The following LAPTM4B variants were observed in gnomAD, a reference collection of about 807,000 sequenced individuals.
The protein encoded by LAPTM4B is lysosomal-associated transmembrane protein 4B.
LAPTM4B carries 26 observed loss-of-function variants against 28.5 expected under a neutral mutation model. The observed-to-expected ratio is 0.91, with a 90% confidence interval of 0.67 to 1.27. The LOEUF (loss-of-function observed/expected upper bound fraction) is 1.27, where lower values mean the gene tolerates loss of function less well. Ranked by LOEUF, LAPTM4B falls within the 50% of genes most tolerant of loss-of-function variation. LAPTM4B has a pLI of 0.00. For missense variants in LAPTM4B, 288 were observed against 285.8 expected (o/e 1.01, Z -0.06); for synonymous variants, 109 against 106.4 (o/e 1.02, Z -0.15).
chr8:97,848,217 G>A (rs988819422), intron 6 of LAPTM4B, among the ~76,000 whole-genome samples: 16 of 152,280 alleles, frequency 1.1e-4, no homozygotes, highest in African/African-American at 3.6e-4. Context: ...AGCCGAGATC[G>A]CGCCACTGCA....
rs150255619 is a variant in LAPTM4B, at chr8:97,816,162, G to A, written c.390G>A (p.Gln130=). 6.2e-7 allele frequency: 1 copy of A among 1,612,642 alleles called. No homozygotes were observed. Among genetic ancestry groups the A allele is most frequent in the African/African-American group, 1.3e-5 (1 of 74,848 alleles). ...TGCTTATTTATCCAAACTCCATTCA[G>A]GAATACATACGGCAACTGGTACGTG... ...ITVLIYPNSI[Q]EYIRQLPPNF... Residue 130 remains glutamine (Q), a synonymous_variant, in exon 4 of 7, where the codon CAG becomes CAA. Coordinates refer to ENST00000521545, the MANE Select transcript of LAPTM4B (RefSeq NM_018407.6).
rs575190453 is a variant in LAPTM4B, at chr8:97,830,303, G to A, written c.603+5150G>A. 1.6e-4 allele frequency among the ~76,000 whole-genome samples: 25 copies of A among 152,266 alleles called. No homozygotes were observed. The South Asian group carries it at 5.0e-3, about 30-fold the overall frequency. ...AAAGTGAGTAGAAAAGAACTTCATC[G>A]AGGTGGAAGAATTGGAGAGTGCCTT... On this transcript the variant is annotated intron_variant, in intron 6 of 6. Transcript: ENST00000521545.
intron 1 of LAPTM4B, among the ~76,000 whole-genome samples, chr8:97,799,411 T>G (rs572130367): frequency 6.0e-4 from 91 of 152,274 alleles, no homozygotes; most frequent in African/African-American, 1.9e-3. Flanking sequence ...AACAAAGAAC[T>G]AAAAGCAGAT....
At position 97,851,088 on chromosome 8, in the gene LAPTM4B, T is replaced by C. The variant is rs528971264; in HGVS notation, c.604-309T>C. Among the ~76,000 whole-genome samples, 11 of 152,244 alleles carry C rather than the reference T, an allele frequency of 7.2e-5. No homozygotes were observed. In the South Asian group the frequency reaches 2.3e-3, roughly 32 times the overall value. ...TGCCTGCCCTATTTGTGTGTGCACA[T>C]GGACACACTCACCTAGGGGTCTTTT... On this transcript the variant is annotated intron_variant, in intron 6 of 6. Coordinates refer to ENST00000521545, the MANE Select transcript of LAPTM4B (RefSeq NM_018407.6).
intron 6 of LAPTM4B, among the ~76,000 whole-genome samples, chr8:97,849,545 C>T (rs1817484821): frequency 6.6e-6 from 1 of 152,210 alleles, no homozygotes; most frequent in African/African-American, 2.4e-5. Flanking sequence ...TGGTTAATAC[C>T]TGACATATAA....
chr8:97,842,078 A>C (rs1817356185), intron 6 of LAPTM4B, among the ~76,000 whole-genome samples: 1 of 152,222 alleles, frequency 6.6e-6, no homozygotes, highest in African/African-American at 2.4e-5. Context: ...GGGGCCATAT[A>C]GTCTCTATCG....
intron 1 of LAPTM4B, among the ~76,000 whole-genome samples, chr8:97,787,669 A>G (rs1048992510): frequency 3.3e-5 from 5 of 152,162 alleles, no homozygotes; most frequent in African/African-American, 1.2e-4. Context: ...CAAGTCCTTT[A>G]ACTCCAGTCG....
intron 2 of LAPTM4B, among the ~76,000 whole-genome samples, chr8:97,814,007 C>T (rs1490902915): frequency 6.6e-6 from 1 of 152,060 alleles, no homozygotes; most frequent in Non-Finnish European, 1.5e-5. Context: ...ATATTTATTA[C>T]CCGTAGCAAA....
chr8:97,780,076 A>G (rs921174295), intron 1 of LAPTM4B, among the ~76,000 whole-genome samples: 9 of 150,670 alleles, frequency 6.0e-5, no homozygotes, highest in Non-Finnish European at 1.3e-4. Context: ...AAAGAAAAGT[A>G]AAATAAAGAA....
intron 1 of LAPTM4B, 36 bp downstream of exon 1, chr8:97,776,144 G>C (rs1208712453): frequency 6.7e-7 from 1 of 1,496,040 alleles, no homozygotes; most frequent in East Asian, 2.6e-5. Flanking sequence ...ACCCTGCGTT[G>C]CTTCCGCGCC....
intron 2 of LAPTM4B, 35 bp downstream of exon 2, chr8:97,805,499 G>A (rs747787616): frequency 1.7e-6 from 2 of 1,197,588 alleles, no homozygotes; most frequent in South Asian, 1.2e-5. Flanking sequence ...TTCAAGGGCA[G>A]GGAATCTGAC....
intron 5 of LAPTM4B, among the ~76,000 whole-genome samples, chr8:97,822,547 T>TA: frequency 6.7e-6 from 1 of 148,974 alleles, no homozygotes; most frequent in Non-Finnish European, 1.5e-5. Context: ...TTTATTTATT[T>TA]ATTTATTTAT....
intron 1 of LAPTM4B, among the ~76,000 whole-genome samples, chr8:97,802,561 T>A (rs1816700032): frequency 6.6e-6 from 1 of 152,188 alleles, no homozygotes; most frequent in Non-Finnish European, 1.5e-5. Context: ...ACCTGTTTTA[T>A]CGGCATGGTC....
chr8:97,800,647 C>T (rs917660744), intron 1 of LAPTM4B, among the ~76,000 whole-genome samples: 1 of 151,848 alleles, frequency 6.6e-6, no homozygotes, highest in African/African-American at 2.4e-5. Flanking sequence ...CAGGCATGCA[C>T]CACCATGCCC....
intron 1 of LAPTM4B, among the ~76,000 whole-genome samples, chr8:97,799,722 C>T (rs980178422): frequency 6.6e-6 from 1 of 152,182 alleles, no homozygotes; most frequent in African/African-American, 2.4e-5. Context: ...TTCCTCAAAA[C>T]CTTTATGGCA....
At chr8:97,810,252 A>C (rs1816807298) in intron 2 of LAPTM4B, among the ~76,000 whole-genome samples, 1 of 152,182 alleles carries the variant, frequency 6.6e-6, no homozygotes, top group African/African-American at 2.4e-5. Flanking sequence ...AAAATTGACT[A>C]TACTGGGAAA....
intron 1 of LAPTM4B, among the ~76,000 whole-genome samples, chr8:97,801,902 T>C (rs1816689629): frequency 6.6e-6 from 1 of 151,570 alleles, no homozygotes; most frequent in African/African-American, 2.4e-5. Flanking sequence ...TGACAGTTTA[T>C]CAAATAACAT....
At position 97,844,566 on chromosome 8, in the gene LAPTM4B, T is replaced by C. The variant is rs111271389; in HGVS notation, c.604-6831T>C. On this transcript the variant is annotated intron_variant, in intron 6 of 6. Coordinates refer to ENST00000521545, the MANE Select transcript of LAPTM4B (RefSeq NM_018407.6). Reference sequence around the variant, plus strand: ...GGTACTTCTAGATTACGTCTCATTGTGGAGGTGGGGTTTCACAAGACTGGA... The same window carrying C: ...GGTACTTCTAGATTACGTCTCATTGCGGAGGTGGGGTTTCACAAGACTGGA... Among the ~76,000 whole-genome samples, 278 of 152,304 alleles carry C rather than the reference T, an allele frequency of 1.8e-3. 1 individual carries two copies. The highest frequency in any genetic ancestry group is 6.4e-3 in the African/African-American group (266 of 41,558).
chr8:97,844,117 G>T (rs67724266), intron 6 of LAPTM4B, among the ~76,000 whole-genome samples: 1 of 151,210 alleles, frequency 6.6e-6, no homozygotes, highest in South Asian at 2.1e-4. Context: ...GATGGGGAGA[G>T]GGGGGTCTCT....
Sources: allele counts gnomAD v4.1 joint callset (sites outside exome capture counted in the v4.1 genomes callset), GRCh38; gene constraint gnomAD v4.1.1; transcripts MANE v1.5; gene names NCBI Gene and HGNC (gene_info 2026-07-23, HGNC 2026-07-21).